Variants in FHIT observed in about 807,000 individuals in gnomAD.
FHIT encodes fragile histidine triad diadenosine triphosphatase, also known as bis(5'-adenosyl)-triphosphatase.
A neutral mutation model predicts 17.9 loss-of-function variants in FHIT; 19 were observed. That is an observed-to-expected ratio of 1.06 (90% CI 0.74 to 1.56). The LOEUF (loss-of-function observed/expected upper bound fraction) is 1.56. FHIT is among the 40% of genes most tolerant of loss of function. The probability of loss-of-function intolerance (pLI) is 0.00; values close to 1 mark genes in which losing one functional copy is unlikely to be tolerated. For missense variants in FHIT, 248 were observed against 189.2 expected (o/e 1.31, Z -1.82); for synonymous variants, 81 against 69.7 (o/e 1.16, Z -0.81).
At chr3:60,683,947 CTTGT>C (rs782565805) in intron 4 of FHIT, among the ~76,000 whole-genome samples, 2 of 152,074 alleles carry the variant, frequency 1.3e-5, no homozygotes, top group Middle Eastern at 3.4e-3. Flanking sequence ...TCTTTGTTTG[CTTGT>C]TTGTTTGTTT....
At chr3:60,173,918 T>TTATATATATATG (rs1701548930) in intron 5 of FHIT, among the ~76,000 whole-genome samples, 1 of 46,870 alleles carries the variant, frequency 2.1e-5, no homozygotes, top group Non-Finnish European at 3.5e-5. Flanking sequence ...TATATATATG[T>TTATATATATATG]TTTTTTTTTT....
intron 4 of FHIT, among the ~76,000 whole-genome samples, chr3:60,627,310 T>C (rs1465889065): frequency 2.0e-5 from 3 of 152,176 alleles, no homozygotes; most frequent in African/African-American, 7.2e-5. Flanking sequence ...TTGTGGGTAG[T>C]TTTTTATTAT....
At chr3:60,159,147 G>A (rs979255114) in intron 5 of FHIT, among the ~76,000 whole-genome samples, 2 of 152,028 alleles carry the variant, frequency 1.3e-5, no homozygotes, top group African/African-American at 4.8e-5. Flanking sequence ...TTGAAAGAGG[G>A]TCTCACTTTG....
intron 4 of FHIT, among the ~76,000 whole-genome samples, chr3:60,634,302 T>C (rs80279710): frequency 1.3e-5 from 2 of 151,278 alleles, no homozygotes; most frequent in African/African-American, 4.9e-5. Flanking sequence ...AAAAAAAAAA[T>C]CTTTTCAAAA....
At chr3:60,415,842 T>C (rs1248094562) in intron 5 of FHIT, among the ~76,000 whole-genome samples, 2 of 148,300 alleles carry the variant, frequency 1.3e-5, no homozygotes, top group Admixed American at 6.8e-5. Context: ...ATAATTACTT[T>C]GGGATTTTTA....
At chr3:60,735,857 A>G (rs9834070) in intron 4 of FHIT, among the ~76,000 whole-genome samples, 3,035 of 152,336 alleles carry the variant, frequency 0.02, 123 homozygotes, top group African/African-American at 0.069. Flanking sequence ...CTAGGTACTC[A>G]ATGTCTATGC....
At chr3:61,060,971 T>C (rs1031698637) in intron 2 of FHIT, among the ~76,000 whole-genome samples, 1 of 152,216 alleles carries the variant, frequency 6.6e-6, no homozygotes, top group Non-Finnish European at 1.5e-5. Flanking sequence ...TACTGATTCA[T>C]TTATAGTAGC....
chr3:60,526,830 C>T (rs924869963), intron 5 of FHIT, among the ~76,000 whole-genome samples: 1 of 152,154 alleles, frequency 6.6e-6, no homozygotes, highest in African/African-American at 2.4e-5. Context: ...AACAAGATGC[C>T]AGTGTCATTT....
chr3:60,658,022 A>G (rs1308667256), intron 4 of FHIT, among the ~76,000 whole-genome samples: 1 of 152,126 alleles, frequency 6.6e-6, no homozygotes, highest in Non-Finnish European at 1.5e-5. Context: ...TGTTACAACC[A>G]TCACCACCTA....
chr3:60,793,271 T>C (rs540622950), intron 4 of FHIT, among the ~76,000 whole-genome samples: 2 of 152,206 alleles, frequency 1.3e-5, no homozygotes, highest in African/African-American at 4.8e-5. Context: ...AATAAGATGC[T>C]GAGAAGACCA....
At chr3:60,413,449 A>G (rs1176534216) in intron 5 of FHIT, among the ~76,000 whole-genome samples, 1 of 152,178 alleles carries the variant, frequency 6.6e-6, no homozygotes, top group Non-Finnish European at 1.5e-5. Context: ...TACTTGGCCA[A>G]TAGAGTTAAA....
intron 5 of FHIT, among the ~76,000 whole-genome samples, chr3:60,123,472 T>A (rs1442310599): frequency 1.3e-5 from 2 of 152,098 alleles, no homozygotes; most frequent in African/African-American, 2.4e-5. Context: ...AAATACAAAC[T>A]TAGGGAGAAG....
At chr3:60,982,701 T>C (rs1248658545) in intron 3 of FHIT, among the ~76,000 whole-genome samples, 1 of 152,230 alleles carries the variant, frequency 6.6e-6, no homozygotes, top group Non-Finnish European at 1.5e-5. Flanking sequence ...ATCACTTGTA[T>C]CCTGTGATAA....
At chr3:60,648,526 A>C (rs2039915962) in intron 4 of FHIT, among the ~76,000 whole-genome samples, 1 of 152,206 alleles carries the variant, frequency 6.6e-6, no homozygotes, top group Non-Finnish European at 1.5e-5. Context: ...CCTAAAGCAA[A>C]GGAAACAAAC....
At chr3:59,904,982 G>A (rs574587571) in intron 8 of FHIT, among the ~76,000 whole-genome samples, 11 of 152,320 alleles carry the variant, frequency 7.2e-5, no homozygotes, top group African/African-American at 2.4e-4. Flanking sequence ...GTGAAGGGTG[G>A]GGACCAATCA....
At chr3:60,165,160 T>C (rs1291334411) in intron 5 of FHIT, among the ~76,000 whole-genome samples, 1 of 152,082 alleles carries the variant, frequency 6.6e-6, no homozygotes, top group Non-Finnish European at 1.5e-5. Flanking sequence ...GTGAGCTCAG[T>C]GTTAGCAGAG....
rs1553852111 is a variant in FHIT, at chr3:61,140,035, A to AT, written c.-164+60581_-164+60582insA. ...TGCAAGAGAAAGCAAAAAAAAAAAA[A>AT]AAATAAGAAACAATGAGAGGCATTA... On this transcript the variant is annotated intron_variant, in intron 2 of 9. Transcript: ENST00000492590. Among the ~76,000 whole-genome samples the AT allele has an allele frequency of 4.7e-4, 71 of 151,992 alleles. 1 individual carries two copies. In the East Asian group the frequency reaches 8.7e-3, roughly 19 times the overall value.
chr3:60,919,325 T>A (rs1707161075), intron 3 of FHIT, among the ~76,000 whole-genome samples: 1 of 152,060 alleles, frequency 6.6e-6, no homozygotes, highest in African/African-American at 2.4e-5. Flanking sequence ...TTATACAAAC[T>A]TAAACACAAA....
intron 4 of FHIT, among the ~76,000 whole-genome samples, chr3:60,666,582 G>A (rs968998875): frequency 2.6e-5 from 4 of 152,166 alleles, no homozygotes; most frequent in South Asian, 2.1e-4. Context: ...GGGATTACGT[G>A]TGGGGTTCAT....
Sources: allele counts gnomAD v4.1 joint callset (sites outside exome capture counted in the v4.1 genomes callset), GRCh38; gene constraint gnomAD v4.1.1; transcripts MANE v1.5; gene names NCBI Gene and HGNC (gene_info 2026-07-23, HGNC 2026-07-21).